Variants in PTPRT observed in about 807,000 individuals in gnomAD.
PTPRT encodes the protein receptor-type tyrosine-protein phosphatase T.
In PTPRT, 56 loss-of-function variants were observed where a neutral mutation model predicts 176.8. The ratio of observed to expected loss-of-function variants is 0.32; its 90% CI spans 0.26 to 0.40. The LOEUF (loss-of-function observed/expected upper bound fraction) is 0.40. Among genes scored for constraint, PTPRT ranks in the 10% least tolerant of loss-of-function variants. PTPRT has a pLI of 1.00. For synonymous variants in PTPRT, 783 were observed against 739.0 expected (o/e 1.06, Z -0.96); for missense variants, 1,540 against 1,908.2 (o/e 0.81, Z 3.60).
intron 1 of PTPRT, among the ~76,000 whole-genome samples, chr20:42,950,801 G>A (rs921175405): frequency 6.6e-6 from 1 of 152,214 alleles, no homozygotes. Flanking sequence ...AGCAGGCAAG[G>A]AAACAGAGTT....
chr20:43,105,040 C>T (rs1182512023), intron 1 of PTPRT, among the ~76,000 whole-genome samples: 2 of 152,088 alleles, frequency 1.3e-5, no homozygotes, highest in Non-Finnish European at 2.9e-5. Flanking sequence ...GAAAAGCAGG[C>T]ATTGTGAGGC....
intron 3 of PTPRT, among the ~76,000 whole-genome samples, chr20:42,781,050 C>G (rs1318689883): frequency 6.6e-6 from 1 of 152,114 alleles, no homozygotes; most frequent in African/African-American, 2.4e-5. Flanking sequence ...ATTGGAAATT[C>G]CATTTTCCCA....
chr20:42,805,951 G>A (rs1479861937), intron 2 of PTPRT, among the ~76,000 whole-genome samples: 1 of 151,620 alleles, frequency 6.6e-6, no homozygotes, highest in African/African-American at 2.4e-5. Flanking sequence ...ATATACACTT[G>A]GAAGGCAGGT....
chr20:42,647,871 G>A (rs2074942145), intron 7 of PTPRT, among the ~76,000 whole-genome samples: 1 of 152,148 alleles, frequency 6.6e-6, no homozygotes, highest in African/African-American at 2.4e-5. Context: ...GATGCTGCAA[G>A]TCGAATCTAC....
At position 42,345,095 on chromosome 20, in the gene PTPRT, C is replaced by A. The variant is rs573954241; in HGVS notation, c.1865+5533G>T. 6.6e-5 allele frequency among the ~76,000 whole-genome samples: 10 copies of A among 152,184 alleles called. No individual in the cohort carries two copies. In the East Asian group the frequency reaches 1.5e-3, roughly 24 times the overall value. The stretch of plus-strand genomic sequence containing the variant: ...CTGGCCAAACACAGGCTCATTGGCA[C>A]CTTTTCTTTTTCTGATTGTCTTTCC... On this transcript the variant is annotated intron_variant, in intron 11 of 30. Coordinates refer to ENST00000373187, the MANE Select transcript of PTPRT (RefSeq NM_007050.6).
At chr20:42,609,272 C>G (rs1600464458) in intron 7 of PTPRT, among the ~76,000 whole-genome samples, 1 of 152,126 alleles carries the variant, frequency 6.6e-6, no homozygotes, top group Middle Eastern at 3.4e-3. Flanking sequence ...CAGGATTTCA[C>G]TATGTGGGCC....
chr20:42,735,296 A>G (rs2076522359), intron 6 of PTPRT, among the ~76,000 whole-genome samples: 1 of 152,116 alleles, frequency 6.6e-6, no homozygotes, highest in Non-Finnish European at 1.5e-5. Flanking sequence ...AGGAGAGGGA[A>G]ACGGCTTCAG....
chr20:42,086,172 C>T (rs1197138109), intron 27 of PTPRT, among the ~76,000 whole-genome samples: 7 of 152,056 alleles, frequency 4.6e-5, no homozygotes, highest in Non-Finnish European at 7.4e-5. Flanking sequence ...CTCCTGACCT[C>T]GGGTGATCCA....
intron 2 of PTPRT, among the ~76,000 whole-genome samples, chr20:42,867,631 A>G (rs2078770283): frequency 6.6e-6 from 1 of 151,354 alleles, no homozygotes; most frequent in Non-Finnish European, 1.5e-5. Flanking sequence ...TTAAACTTGG[A>G]ATTCCCAGCA....
intron 12 of PTPRT, among the ~76,000 whole-genome samples, chr20:42,295,308 C>A (rs1438599759): frequency 6.6e-6 from 1 of 152,170 alleles, no homozygotes. Context: ...AATGTGGCAG[C>A]ATTTTCCAAA....
At chr20:42,811,403 T>G (rs922449122) in intron 2 of PTPRT, among the ~76,000 whole-genome samples, 2 of 152,156 alleles carry the variant, frequency 1.3e-5, no homozygotes, top group African/African-American at 4.8e-5. Flanking sequence ...TTTAACACTG[T>G]ATTTGTCTTT....
intron 12 of PTPRT, among the ~76,000 whole-genome samples, chr20:42,303,110 T>C (rs1278909751): frequency 6.6e-6 from 1 of 152,178 alleles, no homozygotes; most frequent in Non-Finnish European, 1.5e-5. Context: ...AACCCCCTGG[T>C]TTAAACCAAC....
intron 13 of PTPRT, among the ~76,000 whole-genome samples, chr20:42,265,996 T>C (rs2056833161): frequency 6.6e-6 from 1 of 151,630 alleles, no homozygotes; most frequent in South Asian, 2.1e-4. Flanking sequence ...TAAGAGAGAG[T>C]TTTAACATGA....
intron 1 of PTPRT, among the ~76,000 whole-genome samples, chr20:43,152,545 C>A (rs2014393051): frequency 6.6e-6 from 1 of 152,094 alleles, no homozygotes; most frequent in African/African-American, 2.4e-5. Flanking sequence ...ACTGTGTGCC[C>A]CAATCTGAGC....
intron 2 of PTPRT, among the ~76,000 whole-genome samples, chr20:42,885,023 T>C (rs1020190983): frequency 9.2e-5 from 14 of 151,940 alleles, no homozygotes; most frequent in African/African-American, 3.1e-4. Flanking sequence ...CTCACAGGCC[T>C]GCCCCATGCA....
In PTPRT at chr20:42,587,055, T is replaced by C. The variant is rs141123965; in HGVS notation, c.1153+90811A>G. ...TGAGAGCCAAGGAAATCCCATCTTC[T>C]GCCTCACCATCCTCAACCACATTTC... On this transcript the variant is annotated intron_variant, in intron 7 of 30. Coordinates refer to ENST00000373187, the MANE Select transcript of PTPRT (RefSeq NM_007050.6). 3.3e-5 allele frequency among the ~76,000 whole-genome samples: 5 copies of C among 152,316 alleles called. No homozygotes were observed. The East Asian group carries it at 9.7e-4, about 29-fold the overall frequency.
chr20:42,422,676 G>A (rs1218453741), intron 9 of PTPRT, among the ~76,000 whole-genome samples: 1 of 152,150 alleles, frequency 6.6e-6, no homozygotes, highest in Non-Finnish European at 1.5e-5. Context: ...AATACCATTC[G>A]ACCCAGCAAT....
intron 2 of PTPRT, among the ~76,000 whole-genome samples, chr20:42,850,917 G>A (rs1015014619): frequency 7.2e-5 from 11 of 152,194 alleles, no homozygotes; most frequent in African/African-American, 1.4e-4. Context: ...GAAAAAACAA[G>A]CTGATTACCC....
At chr20:42,390,860 G>T (rs1205209126) in intron 9 of PTPRT, among the ~76,000 whole-genome samples, 1 of 152,118 alleles carries the variant, frequency 6.6e-6, no homozygotes, top group African/African-American at 2.4e-5. Flanking sequence ...CAAAGAACAG[G>T]AACTTTCTTG....
Sources: allele counts gnomAD v4.1 joint callset (sites outside exome capture counted in the v4.1 genomes callset), GRCh38; gene constraint gnomAD v4.1.1; transcripts MANE v1.5; gene names NCBI Gene and HGNC (gene_info 2026-07-23, HGNC 2026-07-21).